The following SH3PXD2B variants were observed in gnomAD, a reference collection of about 807,000 sequenced individuals.
The protein encoded by SH3PXD2B is SH3 and PX domains 2B.
Under a neutral mutation model 73.1 loss-of-function variants are expected in SH3PXD2B, and 37 were observed. The ratio of observed to expected loss-of-function variants is 0.51; its 90% CI spans 0.39 to 0.67. The LOEUF (loss-of-function observed/expected upper bound fraction) is 0.67, where lower values mean the gene tolerates loss of function less well. Ranked by LOEUF, SH3PXD2B falls within the 30% of genes least tolerant of loss-of-function variation. The probability of loss-of-function intolerance (pLI) is 0.00; values close to 1 mark genes in which losing one functional copy is unlikely to be tolerated. For missense variants in SH3PXD2B, 1,053 were observed against 1,197.8 expected, an observed-to-expected ratio of 0.88 and a Z score of 1.78; for synonymous variants, 457 against 480.5, an observed-to-expected ratio of 0.95 and a Z score of 0.64.
chr5:172,387,623 G>A (rs1758088083), intron 4 of SH3PXD2B, among the ~76,000 whole-genome samples: 1 of 152,108 alleles, frequency 6.6e-6, no homozygotes, highest in East Asian at 1.9e-4. Flanking sequence ...TCTGCCTTGA[G>A]GAATCATTCA....
In SH3PXD2B at chr5:172,334,094, T is replaced by C. The variant is rs1756630841; in HGVS notation, c.*4275A>G. 2.7e-6 allele frequency: 3 copies of C among 1,131,788 alleles called. No individual in the cohort carries two copies. Among genetic ancestry groups the C allele is most frequent in the African/African-American group, 1.7e-5 (1 of 59,010 alleles). The allele number at this position is 1,131,788 out of a possible 1,614,324, so 70.1% of individuals were successfully genotyped here. A position where few individuals can be genotyped will look rare whatever the true frequency, so the allele number is the denominator to read the frequency against. ...CAGAAGAGGTTGAGCCCCTCATCCCTGATTGGAGCTAAGAAGGCTTACTTT... is the reference window on the plus strand; with the variant it reads ...CAGAAGAGGTTGAGCCCCTCATCCCCGATTGGAGCTAAGAAGGCTTACTTT... On this transcript the variant is annotated 3_prime_UTR_variant, in exon 13 of 13. Transcript: ENST00000311601.
intron 3 of SH3PXD2B, among the ~76,000 whole-genome samples, chr5:172,402,953 G>A (rs1056468974): frequency 2.0e-5 from 3 of 152,278 alleles, no homozygotes; most frequent in Admixed American, 1.3e-4. Context: ...CCGAGTTGTG[G>A]CTCAGGCCCT....
At chr5:172,329,083 A>ATATTTTTTTTTTTTTTTT (rs58472514), downstream of SH3PXD2B, among the ~76,000 whole-genome samples, 32 of 61,796 alleles carry the variant, frequency 5.2e-4, no homozygotes, top group African/African-American at 2.3e-3. Flanking sequence ...ATATATATAT[A>ATATTTTTTTTTTTTTTTT]TTTTTTTTTT....
chr5:172,441,808 G>A (rs1759556164), intron 1 of SH3PXD2B, among the ~76,000 whole-genome samples: 1 of 152,026 alleles, frequency 6.6e-6, no homozygotes, highest in Admixed American at 6.6e-5. Context: ...TCAGACCCTG[G>A]GGACAGCCAC....
chr5:172,348,683 C>CTATG (rs1757075724), intron 10 of SH3PXD2B, among the ~76,000 whole-genome samples: 4 of 43,126 alleles, frequency 9.3e-5, no homozygotes, highest in Admixed American at 8.4e-4. Context: ...ATCTATCTAT[C>CTATG]TATCTATCTA....
Position 172,350,380 on chromosome 5 carries a change from T to C in SH3PXD2B, c.995A>G (p.Asp332Gly), listed in dbSNP as rs1757131505. 6 of 1,613,586 alleles carry C rather than the reference T, an allele frequency of 3.7e-6. No individual in the cohort carries two copies. In the East Asian group the frequency reaches 1.1e-4, roughly 30 times the overall value. Residue 332 changes from aspartate to glycine, a missense_variant, in exon 10 of 13, where the codon GAC (aspartate) becomes GGC (glycine). By Grantham distance (94) the Asp-to-Gly change is moderately conservative (BLOSUM62 -1). Transcript: ENST00000311601. Reference protein sequence around the residue: ...DGRFEGRPVPDGDAKQRSPKM... With the variant: ...DGRFEGRPVPGGDAKQRSPKM... ...TCACTCACTCTGCTTGGCGTCACCG[T>C]CGGGCACCGGGCGGCCTTCAAACCG...
At chr5:172,358,382 G>A (rs76229451) in intron 8 of SH3PXD2B, among the ~76,000 whole-genome samples, 2,180 of 152,334 alleles carry the variant, frequency 0.014, 15 homozygotes, top group South Asian at 0.023. Flanking sequence ...AGAGAAGGCA[G>A]AGGTTTTTAA....
At chr5:172,440,423 C>A (rs1357516937) in intron 1 of SH3PXD2B, among the ~76,000 whole-genome samples, 2 of 152,208 alleles carry the variant, frequency 1.3e-5, no homozygotes, top group African/African-American at 4.8e-5. Flanking sequence ...GGATGCTGTG[C>A]CTGGATCAGG....
chr5:172,368,662 TTA>T lies in SH3PXD2B; in HGVS notation c.427+5126_427+5127del, dbSNP rs1214601226. ...ATGTTATATATATAAAATATATATATTATATATATATAAAATATATATGTTAT... is the reference window on the plus strand; with the variant it reads ...ATGTTATATATATAAAATATATATATTATATATATAAAATATATATGTTAT... On this transcript the variant is annotated intron_variant, in intron 6 of 12. Coordinates refer to ENST00000311601, the MANE Select transcript of SH3PXD2B (RefSeq NM_001017995.3). Among the ~76,000 whole-genome samples the T allele has an allele frequency of 4.4e-3, 158 of 35,554 alleles. 27 individuals carry two copies. The highest frequency in any genetic ancestry group is 7.1e-3 in the African/African-American group (36 of 5,086). The allele number at this position is 35,554 out of a possible 152,430, so 23.3% of individuals were successfully genotyped here. A position where few individuals can be genotyped will look rare whatever the true frequency, so the allele number is the denominator to read the frequency against.
intron 12 of SH3PXD2B, chr5:172,325,435 G>T: frequency 8.2e-7 from 1 of 1,221,672 alleles, no homozygotes; most frequent in Non-Finnish European, 1.2e-6. Flanking sequence ...CCAAACGAAA[G>T]ACTAACGTGG....
At chr5:172,430,929 C>T (rs968811238) in intron 1 of SH3PXD2B, among the ~76,000 whole-genome samples, 2 of 151,818 alleles carry the variant, frequency 1.3e-5, no homozygotes, top group Middle Eastern at 3.2e-3. Flanking sequence ...TGCAGTGGTG[C>T]GATCTCGGCT....
At position 172,337,053 on chromosome 5, in the gene SH3PXD2B, C is replaced by T. The variant is rs1405352141; in HGVS notation, c.*1316G>A. On this transcript the variant is annotated 3_prime_UTR_variant, in exon 13 of 13. Transcript: ENST00000311601. ...TGGCCCTCGAGGCCACCTCAGCTCC[C>T]GTTGCTCCATAAGCTCTATTCCCCA... 7 of 985,252 alleles carry T rather than the reference C, an allele frequency of 7.1e-6. No homozygotes were observed. The highest frequency in any genetic ancestry group is 7.2e-6 in the Non-Finnish European group (6 of 830,026). The allele number at this position is 985,252 out of a possible 1,614,324, so 61.0% of individuals were successfully genotyped here.
At position 172,353,545 on chromosome 5, in the gene SH3PXD2B, G is replaced by A. The variant is rs1023798190; in HGVS notation, c.785+343C>T. 3.9e-5 allele frequency among the ~76,000 whole-genome samples: 6 copies of A among 152,192 alleles called. No homozygotes were observed. The highest frequency in any genetic ancestry group is 1.4e-4 in the African/African-American group (6 of 41,450). ...ATGCACCATCTTGTTCTCAGAATGG[G>A]GCGGGAGGGGGCTGTCACTCACATG... On this transcript the variant is annotated intron_variant, in intron 9 of 12. Coordinates refer to ENST00000311601, the MANE Select transcript of SH3PXD2B (RefSeq NM_001017995.3). The surrounding 1 kb of genome is among the most constrained non-coding windows in gnomAD (Gnocchi z 4.3).
chr5:172,386,816 CAG>C (rs1758069658), intron 4 of SH3PXD2B, among the ~76,000 whole-genome samples: 1 of 152,086 alleles, frequency 6.6e-6, no homozygotes, highest in South Asian at 2.1e-4. Flanking sequence ...TTAGTAGAAA[CAG>C]GGTTTCACCA....
intron 3 of SH3PXD2B, among the ~76,000 whole-genome samples, chr5:172,405,607 G>A (rs1305307965): frequency 1.3e-5 from 2 of 152,152 alleles, no homozygotes; most frequent in East Asian, 3.9e-4. Context: ...CAATCTACGT[G>A]GAGGCTGGAA....
At chr5:172,357,642 T>C (rs1490790405) in intron 8 of SH3PXD2B, among the ~76,000 whole-genome samples, 2 of 152,092 alleles carry the variant, frequency 1.3e-5, no homozygotes, top group East Asian at 3.9e-4. Context: ...AGGGCTCTAG[T>C]TTCCATGCAC....
chr5:172,353,743 G>A lies in SH3PXD2B; in HGVS notation c.785+145C>T. ...GAGGGAGGCCACACAACACAGAGGA[G>A]AAGTATCCTTTTATGGTTCAGGCGG... is the stretch of plus-strand genomic sequence containing the variant. On this transcript the variant is annotated intron_variant, in intron 9 of 12. Coordinates refer to ENST00000311601, the MANE Select transcript of SH3PXD2B (RefSeq NM_001017995.3). The surrounding 1 kb of genome is among the most constrained non-coding windows in gnomAD (Gnocchi z 4.3). 1 of 741,210 alleles carries A rather than the reference G, an allele frequency of 1.3e-6. No homozygotes were observed. The highest frequency in any genetic ancestry group is 2.4e-6 in the Non-Finnish European group (1 of 408,406). 45.9% of individuals were successfully genotyped at this position (741,210 alleles called of 1,614,324 possible).
In SH3PXD2B at chr5:172,384,868, C is replaced by T. The variant is rs182016006; in HGVS notation, c.310-2741G>A. Among the ~76,000 whole-genome samples, 68 of 152,226 alleles carry T rather than the reference C, an allele frequency of 4.5e-4. 1 individual carries two copies. Among genetic ancestry groups the T allele is most frequent in the Non-Finnish European group, 7.4e-5 (5 of 68,016 alleles). Reference sequence around the variant, plus strand: ...AAATGGATAAACACATCATGAGGGACGTGGATGGTCTAGTAGGGCACCTTC... The same window carrying T: ...AAATGGATAAACACATCATGAGGGATGTGGATGGTCTAGTAGGGCACCTTC... On this transcript the variant is annotated intron_variant, in intron 4 of 12. Coordinates refer to ENST00000311601, the MANE Select transcript of SH3PXD2B (RefSeq NM_001017995.3).
intron 8 of SH3PXD2B, among the ~76,000 whole-genome samples, chr5:172,355,947 C>T (rs1398697044): frequency 7.2e-5 from 11 of 152,110 alleles, no homozygotes; most frequent in Admixed American, 2.6e-4. Context: ...TGCAGGCCTG[C>T]GGGGGCTTCC....
Sources: allele counts gnomAD v4.1 joint callset (sites outside exome capture counted in the v4.1 genomes callset), GRCh38; gene constraint gnomAD v4.1.1; non-coding constraint Gnocchi (gnomAD v3.1); transcripts MANE v1.5; gene names NCBI Gene and HGNC (gene_info 2026-07-23, HGNC 2026-07-21).